Variants in SESN3 observed in about 807,000 individuals in gnomAD.
The protein encoded by SESN3 is sestrin-3.
A neutral mutation model predicts 55.3 loss-of-function variants in SESN3; 21 were observed. The observed-to-expected ratio is 0.38, with a 90% CI of 0.27 to 0.55. The LOEUF is 0.55. Ranked by LOEUF, SESN3 falls within the 20% of genes least tolerant of loss-of-function variation. The pLI is 0.76. For synonymous variants in SESN3, 181 were observed against 203.1 expected, an observed-to-expected ratio of 0.89 and a Z score of 0.93; for missense variants, 408 against 604.3, an observed-to-expected ratio of 0.68 and a Z score of 3.41.
intron 1 of SESN3, among the ~76,000 whole-genome samples, chr11:95,214,325 A>C (rs1271199590): frequency 6.6e-6 from 1 of 152,226 alleles, no homozygotes; most frequent in Non-Finnish European, 1.5e-5. Flanking sequence ...TGTAGTATTA[A>C]CTTAGAGGTA....
At chr11:95,229,519 GA>G (rs11337381) in intron 1 of SESN3, among the ~76,000 whole-genome samples, 39,528 of 148,986 alleles carry the variant, frequency 0.27, 5,386 homozygotes, top group Non-Finnish European at 0.31. Context: ...AAAATAGGAA[GA>G]AAAAAAAAAG....
rs552484930 is a variant in SESN3, at chr11:95,215,310, C to T, written c.78+15473G>A. 1.3e-4 allele frequency among the ~76,000 whole-genome samples: 20 copies of T among 152,076 alleles called. 1 individual carries two copies. In the South Asian group the frequency reaches 4.1e-3, roughly 32 times the overall value. On this transcript the variant is annotated intron_variant, in intron 1 of 9. Coordinates refer to ENST00000536441, the MANE Select transcript of SESN3 (RefSeq NM_144665.4). ...AAACTCCCAGTTGATACTGATGCTG[C>T]TGGTTCTAGAACCACACTGCAGAAC...
intron 1 of SESN3, among the ~76,000 whole-genome samples, chr11:95,226,439 G>A (rs574402009): frequency 2.0e-5 from 3 of 152,250 alleles, no homozygotes; most frequent in African/African-American, 4.8e-5. Context: ...TGGGGAGTTG[G>A]GGGAAGCAGC....
intron 1 of SESN3, chr11:95,224,491 A>G: frequency 2.3e-6 from 1 of 436,070 alleles, no homozygotes; most frequent in East Asian, 7.3e-5. Flanking sequence ...TTGGCTGAAA[A>G]GGAAAGAAAG....
chr11:95,189,483 A>G (rs527336733), intron 4 of SESN3, among the ~76,000 whole-genome samples: 7 of 152,088 alleles, frequency 4.6e-5, no homozygotes, highest in African/African-American at 1.7e-4. Flanking sequence ...AACTTGTAAC[A>G]GAGTACAGAC....
intron 6 of SESN3, among the ~76,000 whole-genome samples, chr11:95,182,821 T>C (rs949834516): frequency 6.6e-6 from 1 of 152,192 alleles, no homozygotes; most frequent in African/African-American, 2.4e-5. Context: ...CACTTGTTCT[T>C]GGACCCAGCA....
At position 95,173,119 on chromosome 11, in the gene SESN3, A is replaced by AAAAC. The variant is rs1555117555; in HGVS notation, c.*135_*136insGTTT. On this transcript the variant is annotated 3_prime_UTR_variant, in exon 10 of 10. Transcript: ENST00000536441. ...ATTGCACATTACAGCCGCAAAAAACAAAAAAAAAAAAACAAACGGCTAAAC... is the reference window on the plus strand; with the variant it reads ...ATTGCACATTACAGCCGCAAAAAACAAAACAAAAAAAAAAAACAAACGGCTAAAC... 214 of 263,100 alleles carry AAAAC rather than the reference A, an allele frequency of 8.1e-4. No individual in the cohort carries two copies. Among genetic ancestry groups the AAAAC allele is most frequent in the Non-Finnish European group, 1.1e-3 (159 of 138,594 alleles). The allele number at this position is 263,100 out of a possible 1,614,324, so 16.3% of individuals were successfully genotyped here.
At chr11:95,218,432 T>C (rs1255492883) in intron 1 of SESN3, among the ~76,000 whole-genome samples, 1 of 152,212 alleles carries the variant, frequency 6.6e-6, no homozygotes, top group Admixed American at 6.5e-5. Context: ...GCACTTAATG[T>C]TTCCAAAATA....
chr11:95,211,443 T>C (rs1024771347), intron 1 of SESN3, among the ~76,000 whole-genome samples: 13 of 152,206 alleles, frequency 8.5e-5, no homozygotes, highest in African/African-American at 3.1e-4. Flanking sequence ...GAATATTATA[T>C]GAATAAATAT....
chr11:95,207,272 G>A (rs529768280), intron 1 of SESN3, among the ~76,000 whole-genome samples: 2 of 151,464 alleles, frequency 1.3e-5, no homozygotes, highest in South Asian at 4.2e-4. Flanking sequence ...ACTGCCTAAA[G>A]GGGTTTACAA....
chr11:95,180,328 T>G (rs767237469), intron 6 of SESN3, among the ~76,000 whole-genome samples: 1 of 152,202 alleles, frequency 6.6e-6, no homozygotes, highest in Non-Finnish European at 1.5e-5. Context: ...TTCATTATCT[T>G]TAATCTTTGC....
In SESN3 at chr11:95,170,087, A is replaced by C. The variant is rs1424439657; in HGVS notation, c.*3168T>G. ...ATTCATACTGGGACTGAGACAATGT[A>C]CTTAGTTCAAAAAGGGGAAGGAGGT... On this transcript the variant is annotated 3_prime_UTR_variant, in exon 10 of 10. Transcript: ENST00000536441. 3 of 152,174 alleles carry C rather than the reference A, an allele frequency of 2.0e-5. No individual in the cohort carries two copies. Among genetic ancestry groups the C allele is most frequent in the African/African-American group, 7.2e-5 (3 of 41,446 alleles). 9.4% of individuals were successfully genotyped at this position (152,174 alleles called of 1,614,324 possible). A position where few individuals can be genotyped will look rare whatever the true frequency, so the allele number is the denominator to read the frequency against.
In SESN3 at chr11:95,193,503, G is replaced by C. The variant is rs1369827714; in HGVS notation, c.98C>G (p.Ser33Cys). ...ACTTGGTCCTCTTGTCAAGGGTTGAGACACTCTGATTCTTTTATCCTATTT... is the reference window on the plus strand; with the variant it reads ...ACTTGGTCCTCTTGTCAAGGGTTGACACACTCTGATTCTTTTATCCTATTT... ...VLRKDKRIRV[S>C]QPLTRGPSAF... Residue 33 changes from serine (S) to cysteine (C), a missense_variant, in exon 2 of 10, where the codon TCT becomes TGT. Ser to Cys is a moderately radical substitution (Grantham distance 112). Coordinates refer to ENST00000536441, the MANE Select transcript of SESN3 (RefSeq NM_144665.4). 6.3e-7 allele frequency: 1 copy of C among 1,592,134 alleles called. No homozygotes were observed. Among genetic ancestry groups the C allele is most frequent in the Non-Finnish European group, 8.6e-7 (1 of 1,161,662 alleles).
At chr11:95,205,427 A>C (rs950158184) in intron 1 of SESN3, among the ~76,000 whole-genome samples, 2 of 152,188 alleles carry the variant, frequency 1.3e-5, no homozygotes, top group African/African-American at 4.8e-5. Context: ...GTATGGATTA[A>C]AGAAAAGGAA....
In SESN3 at chr11:95,186,194, CTGTGTGTGTGTGTGTGTG is replaced by C. The variant is rs35466696; in HGVS notation, c.526-720_526-703del. ...TCCCTTTCTCTCTCTCTATCTCTCA[CTGTGTGTGTGTGTGTGTG>C]TGTGTGTGTGTGTGTGTGTGTGTGT... On this transcript the variant is annotated intron_variant, in intron 4 of 9. Transcript: ENST00000536441. 5.6e-4 allele frequency among the ~76,000 whole-genome samples: 60 copies of C among 107,634 alleles called. No individual in the cohort carries two copies. In the East Asian group the frequency reaches 7.3e-3, roughly 13 times the overall value. 70.6% of individuals were successfully genotyped at this position (107,634 alleles called of 152,430 possible). A position where few individuals can be genotyped will look rare whatever the true frequency, so the allele number is the denominator to read the frequency against.
chr11:95,173,091 A>C lies in SESN3; in HGVS notation c.*164T>G. 2.1e-6 allele frequency: 1 copy of C among 475,472 alleles called. No homozygotes were observed. Among genetic ancestry groups the C allele is most frequent in the Non-Finnish European group, 3.8e-6 (1 of 260,434 alleles). 29.5% of individuals were successfully genotyped at this position (475,472 alleles called of 1,614,324 possible). ...TTAAGCATCAAGGAAAATAAAACAC[A>C]TCATTGCACATTACAGCCGCAAAAA... On this transcript the variant is annotated 3_prime_UTR_variant, in exon 10 of 10. Coordinates refer to ENST00000536441, the MANE Select transcript of SESN3 (RefSeq NM_144665.4).
intron 1 of SESN3, among the ~76,000 whole-genome samples, chr11:95,211,694 C>T (rs906410813): frequency 5.9e-5 from 9 of 152,098 alleles, no homozygotes; most frequent in Admixed American, 3.3e-4. Flanking sequence ...CACTTGAACC[C>T]GGGAGGCGGA....
intron 1 of SESN3, among the ~76,000 whole-genome samples, chr11:95,193,964 C>T (rs1235245366): frequency 6.6e-6 from 1 of 151,844 alleles, no homozygotes; most frequent in Non-Finnish European, 1.5e-5. Context: ...CCTAAAATAG[C>T]AATAAGCATA....
At chr11:95,174,806 TA>T (rs1327867886) in intron 9 of SESN3, among the ~76,000 whole-genome samples, 1 of 152,090 alleles carries the variant, frequency 6.6e-6, no homozygotes, top group Non-Finnish European at 1.5e-5. Context: ...GTTTTTAAAA[TA>T]TTTTTTTAAT....
Sources: allele counts gnomAD v4.1 joint callset (sites outside exome capture counted in the v4.1 genomes callset), GRCh38; gene constraint gnomAD v4.1.1; transcripts MANE v1.5; gene names NCBI Gene and HGNC (gene_info 2026-07-23, HGNC 2026-07-21).